NTRK2: variants seen among roughly 807,000 people sequenced by gnomAD.
NTRK2 encodes BDNF/NT-3 growth factors receptor.
Under a neutral mutation model 94.5 loss-of-function variants are expected in NTRK2, and 13 were observed. The observed-to-expected ratio is 0.14, with a 90% confidence interval of 0.09 to 0.22. The LOEUF is 0.22. NTRK2 is among the 10% of genes least tolerant of loss of function. The probability of loss-of-function intolerance (pLI) is 1.00; values close to 1 mark genes in which losing one functional copy is unlikely to be tolerated. For missense variants in NTRK2, 639 were observed against 1,071.2 expected (o/e 0.60, Z 5.63); for synonymous variants, 372 against 407.4 (o/e 0.91, Z 1.05).
Position 85,023,170 on chromosome 9 carries a change from G to T in NTRK2, c.*1733G>T. The T allele has an allele frequency of 4.3e-6, 1 of 233,062 alleles. No homozygotes were observed. The highest frequency in any genetic ancestry group is 2.2e-5 in the African/African-American group (1 of 45,462). The allele number at this position is 233,062 out of a possible 1,614,324, so 14.4% of individuals were successfully genotyped here. On this transcript the variant is annotated 3_prime_UTR_variant, in exon 19 of 19. Transcript: ENST00000277120. ...GCTCAAATTTAAATAGAAATTTACA[G>T]CTATTTGAATGGTCAGATATACCAA...
At chr9:84,898,501 TTTTC>T (rs2076827030) in intron 14 of NTRK2, among the ~76,000 whole-genome samples, 1 of 151,020 alleles carries the variant, frequency 6.6e-6, no homozygotes, top group Non-Finnish European at 1.5e-5. Flanking sequence ...CTTTCTTTCT[TTTTC>T]TTTCTTTTTT....
rs1482293751 is a variant in NTRK2, at chr9:84,797,577, TTATATATAC to T, written c.1396+45509_1396+45517del. Among the ~76,000 whole-genome samples, 14 of 88,490 alleles carry T rather than the reference TTATATATAC, an allele frequency of 1.6e-4. No homozygotes were observed. In the East Asian group the frequency reaches 2.2e-3, roughly 14 times the overall value. 58.1% of individuals were successfully genotyped at this position (88,490 alleles called of 152,430 possible). ...TTATATATACTATATATTATATATA[TTATATATAC>T]TATATATACTATATATTATATATAA... is the stretch of plus-strand genomic sequence containing the variant. On this transcript the variant is annotated intron_variant, in intron 12 of 18. Coordinates refer to ENST00000277120, the MANE Select transcript of NTRK2 (RefSeq NM_006180.6).
At chr9:84,694,269 T>C (rs1173684334) in intron 2 of NTRK2, among the ~76,000 whole-genome samples, 1 of 152,192 alleles carries the variant, frequency 6.6e-6, no homozygotes, top group Non-Finnish European at 1.5e-5. Flanking sequence ...AGAACTCTCC[T>C]GGTAGCATTA....
chr9:84,881,994 T>C (rs2076267571), intron 14 of NTRK2, among the ~76,000 whole-genome samples: 1 of 152,230 alleles, frequency 6.6e-6, no homozygotes, highest in African/African-American at 2.4e-5. Flanking sequence ...TGGGTATTCT[T>C]GTTACTTTAA....
chr9:84,882,954 A>T (rs1056987555), intron 14 of NTRK2, among the ~76,000 whole-genome samples: 1 of 151,910 alleles, frequency 6.6e-6, no homozygotes, highest in Admixed American at 6.6e-5. Context: ...TTTAGTAGAG[A>T]TGGGGTTTCA....
At chr9:84,740,291 A>G (rs2063549167) in intron 9 of NTRK2, among the ~76,000 whole-genome samples, 1 of 152,218 alleles carries the variant, frequency 6.6e-6, no homozygotes, top group African/African-American at 2.4e-5. Flanking sequence ...TAGCCCTCAA[A>G]CTACAGGGCA....
At chr9:84,728,279 T>C (rs2062603251) in intron 9 of NTRK2, among the ~76,000 whole-genome samples, 1 of 152,160 alleles carries the variant, frequency 6.6e-6, no homozygotes, top group African/African-American at 2.4e-5. Flanking sequence ...CTTCAGCTTA[T>C]CTGCCATTGG....
intron 14 of NTRK2, chr9:84,871,680 G>A (rs760197514): frequency 2.5e-5 from 22 of 891,622 alleles, no homozygotes; most frequent in Non-Finnish European, 4.0e-5. Context: ...TGATATGAGG[G>A]TTTCATTTAC....
chr9:84,994,349 A>C (rs896376382), intron 17 of NTRK2, among the ~76,000 whole-genome samples: 4 of 152,242 alleles, frequency 2.6e-5, no homozygotes, highest in African/African-American at 7.2e-5. Context: ...AAAAATGTTC[A>C]ATAAATGAAT....
At chr9:84,871,664 C>G (rs1265270180) in intron 14 of NTRK2, 2 of 819,554 alleles carry the variant, frequency 2.4e-6, no homozygotes, top group African/African-American at 1.7e-5. Context: ...TTTTCACTAT[C>G]TGGAGTGATA....
intron 14 of NTRK2, among the ~76,000 whole-genome samples, chr9:84,929,813 C>T (rs1030568320): frequency 1.3e-5 from 2 of 152,106 alleles, no homozygotes; most frequent in Admixed American, 6.6e-5. Context: ...CAGCCCACCT[C>T]GGCCTCCCAA....
At chr9:84,672,924 G>A (rs917467555) in intron 2 of NTRK2, among the ~76,000 whole-genome samples, 12 of 152,092 alleles carry the variant, frequency 7.9e-5, no homozygotes, top group Non-Finnish European at 1.6e-4. Context: ...ATTTACAAAA[G>A]CATGTGTCAT....
At chr9:84,924,967 T>C (rs1564469551) in intron 14 of NTRK2, among the ~76,000 whole-genome samples, 1 of 152,172 alleles carries the variant, frequency 6.6e-6, no homozygotes, top group African/African-American at 2.4e-5. Context: ...CAAGGCTAAA[T>C]AGAGAGGCTT....
chr9:84,922,399 G>A (rs1031155653), intron 14 of NTRK2, among the ~76,000 whole-genome samples: 4 of 152,110 alleles, frequency 2.6e-5, no homozygotes, highest in Middle Eastern at 3.2e-3. Context: ...CCTTAACCCA[G>A]TATTTTTTAC....
At chr9:84,962,032 G>A (rs1275835359) in intron 17 of NTRK2, among the ~76,000 whole-genome samples, 1 of 152,176 alleles carries the variant, frequency 6.6e-6, no homozygotes, top group Non-Finnish European at 1.5e-5. Flanking sequence ...ACGCTCTTGA[G>A]GCTATTATCA....
intron 12 of NTRK2, among the ~76,000 whole-genome samples, chr9:84,790,427 C>A (rs542793888): frequency 6.6e-6 from 1 of 152,084 alleles, no homozygotes. Context: ...TGTTACTCAC[C>A]AAGATGTAGG....
chr9:84,934,025 C>T (rs1316884658), intron 14 of NTRK2, 137 bp from the exon 15 acceptor site: 1 of 901,172 alleles, frequency 1.1e-6, no homozygotes, highest in Non-Finnish European at 1.8e-6. Context: ...AGATGGACAC[C>T]CAGCTTCTTC....
At chr9:84,814,716 A>G in intron 12 of NTRK2, 1 of 1,064,430 alleles carries the variant, frequency 9.4e-7, no homozygotes. Flanking sequence ...TGTTTTGTCT[A>G]GACTCCAGAT....
chr9:84,961,631 A>G (rs1824940960), intron 17 of NTRK2, among the ~76,000 whole-genome samples: 1 of 152,214 alleles, frequency 6.6e-6, no homozygotes, highest in Non-Finnish European at 1.5e-5. Flanking sequence ...TTATCAGTAC[A>G]TGTTTATGAA....
Sources: gnomAD v4.1 joint callset for allele counts (sites outside exome capture counted in the v4.1 genomes callset) on GRCh38, gnomAD v4.1.1 for gene constraint, MANE v1.5 for transcripts, NCBI Gene and HGNC (gene_info 2026-07-23, HGNC 2026-07-21) for gene names.